The following MYBPC1 variants were observed in gnomAD, a reference collection of about 807,000 sequenced individuals.
The protein encoded by MYBPC1 is myosin-binding protein C, slow-type.
In MYBPC1, 52 loss-of-function variants were observed where a neutral mutation model predicts 147.1. That is an observed-to-expected ratio of 0.35 (90% CI 0.28 to 0.45). The LOEUF (loss-of-function observed/expected upper bound fraction) is 0.45. MYBPC1 is among the 20% of genes least tolerant of loss of function. MYBPC1 has a pLI of 1.00. For missense variants in MYBPC1, 1,228 were observed against 1,440.3 expected (o/e 0.85, Z 2.39); for synonymous variants, 477 against 475.9 (o/e 1.00, Z -0.03).
intron 21 of MYBPC1, 48 bp downstream of exon 21, chr12:101,662,594 G>A: frequency 6.3e-7 from 1 of 1,592,900 alleles, no homozygotes; most frequent in South Asian, 1.1e-5. Context: ...TTGCCCCAGA[G>A]TATGACTGCT....
chr12:101,623,848 A>G (rs914907064), intron 3 of MYBPC1, among the ~76,000 whole-genome samples: 1 of 152,204 alleles, frequency 6.6e-6, no homozygotes, highest in East Asian at 1.9e-4. Flanking sequence ...AACATGTAAA[A>G]TTTTAATTAT....
At chr12:101,625,015 T>TG (rs1226573861) in intron 3 of MYBPC1, among the ~76,000 whole-genome samples, 3 of 99,378 alleles carry the variant, frequency 3.0e-5, no homozygotes, top group Non-Finnish European at 5.6e-5. Context: ...AGTAAGGTAC[T>TG]AAATTGATAA....
the MYBPC1 span, among the ~76,000 whole-genome samples, chr12:101,694,442 C>G: frequency 6.6e-6 from 1 of 152,168 alleles, no homozygotes; most frequent in Non-Finnish European, 1.5e-5. Context: ...CCGTAATCCT[C>G]CACAATGTGA....
chr12:101,676,627 TGTA>T (rs1258949021), intron 26 of MYBPC1, among the ~76,000 whole-genome samples: 1 of 152,062 alleles, frequency 6.6e-6, no homozygotes. Flanking sequence ...AGCACGTGCC[TGTA>T]GTCCCAGTTA....
intron 3 of MYBPC1, among the ~76,000 whole-genome samples, chr12:101,624,663 T>G (rs969881663): frequency 7.0e-6 from 1 of 143,836 alleles, no homozygotes; most frequent in Admixed American, 7.0e-5. Flanking sequence ...GTGCAAATAA[T>G]ATACAAGCCC....
At chr12:101,661,331 G>C in intron 20 of MYBPC1, 69 bp downstream of exon 20, 1 of 987,604 alleles carries the variant, frequency 1.0e-6, no homozygotes, top group Non-Finnish European at 1.6e-6. Context: ...TCTTAGTACA[G>C]AGCACATTTT....
intron 3 of MYBPC1, among the ~76,000 whole-genome samples, chr12:101,619,684 G>C (rs1333117476): frequency 6.6e-6 from 1 of 152,160 alleles, no homozygotes; most frequent in African/African-American, 2.4e-5. Context: ...GATTTCCACT[G>C]TAAGACCAAC....
At chr12:101,693,237 C>A in the MYBPC1 span, among the ~76,000 whole-genome samples, 77,057 of 151,594 alleles carry the variant, frequency 0.51, 20,507 homozygotes, top group Admixed American at 0.59. Context: ...TGAGCCACCG[C>A]GCCCAGCCTA....
rs758590988 is a variant in MYBPC1 at position 101,670,361 on chromosome 12, C to A, written c.2565C>A (p.Thr855=). The part of the protein sequence containing the change: ...KIRIPRHLKQ[T]YIRRVGEAVN... Reference sequence around the variant, plus strand: ...GCATTCCAAGACACCTGAAGCAAACCTATATCCGCAGAGTTGGAGAAGCTG... The same window carrying A: ...GCATTCCAAGACACCTGAAGCAAACATATATCCGCAGAGTTGGAGAAGCTG... Residue 855 remains threonine (T), a synonymous_variant, in exon 24 of 32, where the codon ACC becomes ACA. Transcript: ENST00000361466. 3.1e-6 allele frequency: 5 copies of A among 1,614,110 alleles called. 1 individual carries two copies. The South Asian group carries it at 5.5e-5, about 18-fold the overall frequency.
At chr12:101,611,499 T>G (rs899424799) in intron 1 of MYBPC1, among the ~76,000 whole-genome samples, 19 of 152,238 alleles carry the variant, frequency 1.2e-4, no homozygotes, top group Non-Finnish European at 2.4e-4. Flanking sequence ...ATTGGTCACA[T>G]AGATGCTAAA....
chr12:101,625,161 C>T (rs558293338), intron 3 of MYBPC1, among the ~76,000 whole-genome samples: 2 of 150,400 alleles, frequency 1.3e-5, no homozygotes, highest in African/African-American at 2.5e-5. Context: ...AAGTCTTAAC[C>T]ACACTGTAAC....
chr12:101,608,333 T>C (rs779242440), intron 1 of MYBPC1, among the ~76,000 whole-genome samples: 3 of 152,254 alleles, frequency 2.0e-5, no homozygotes, highest in Non-Finnish European at 4.4e-5. Context: ...AAAAGTATCC[T>C]TGTTTTTCCT....
At chr12:101,630,385 T>G (rs1430516174) in intron 6 of MYBPC1, among the ~76,000 whole-genome samples, 1 of 152,212 alleles carries the variant, frequency 6.6e-6, no homozygotes, top group African/African-American at 2.4e-5. Flanking sequence ...TTGATTCTGC[T>G]TCCTGCTAGC....
chr12:101,653,552 T>A (rs1216866267), intron 18 of MYBPC1, among the ~76,000 whole-genome samples: 1 of 152,052 alleles, frequency 6.6e-6, no homozygotes, highest in Non-Finnish European at 1.5e-5. Context: ...AATTATTAAA[T>A]AAATAAATGA....
Position 101,683,852 on chromosome 12 carries a change from A to G in MYBPC1, c.3493-530A>G, listed in dbSNP as rs180894593. On this transcript the variant is annotated intron_variant, in intron 30 of 31. Coordinates refer to ENST00000361466, the MANE Select transcript of MYBPC1 (RefSeq NM_002465.4). ...ATTGTATATAGAATAGCTTTGTAAC[A>G]TAAGGTTTTGTGTCTATTTAGATCA... Among the ~76,000 whole-genome samples, 1,176 of 152,310 alleles carry G rather than the reference A, an allele frequency of 7.7e-3. 4 individuals carry two copies. Among genetic ancestry groups the G allele is most frequent in the Admixed American group, 0.012 (178 of 15,294 alleles).
chr12:101,604,991 G>A (rs543497854), intron 1 of MYBPC1, among the ~76,000 whole-genome samples: 1 of 152,172 alleles, frequency 6.6e-6, no homozygotes, highest in Non-Finnish European at 1.5e-5. Flanking sequence ...TGCTCCTCAG[G>A]CACCCTGCTT....
At chr12:101,622,580 CA>C (rs1887673756) in intron 3 of MYBPC1, among the ~76,000 whole-genome samples, 2 of 151,946 alleles carry the variant, frequency 1.3e-5, no homozygotes, top group Non-Finnish European at 2.9e-5. Flanking sequence ...AATAAAAATA[CA>C]AAAATTAGCC....
At chr12:101,675,148 G>A in intron 25 of MYBPC1, 144 bp from the exon 26 acceptor site, 1 of 1,084,086 alleles carries the variant, frequency 9.2e-7, no homozygotes, top group Non-Finnish European at 1.4e-6. Context: ...GAAGGCAAAG[G>A]GTCTCAGAAG....
chr12:101,680,374 C>G lies in MYBPC1; in HGVS notation c.3278C>G (p.Ala1093Gly), dbSNP rs781482729. The part of the protein sequence containing the change: ...PKITWMKNKV[A>G]IVDDPRYRMF... The stretch of plus-strand genomic sequence containing the variant: ...ATAACCTGGATGAAAAACAAAGTTG[C>G]TATTGTGGATGATCCAAGATACAGG... Residue 1093 changes from alanine to glycine, a missense_variant, in exon 29 of 32, where the codon GCT (alanine) becomes GGT (glycine). This residue lies in a region of MYBPC1 where 1,077 missense variants were observed against 1,314.2 expected (regional missense o/e 0.82). Transcript: ENST00000361466. 5 of 1,613,906 alleles carry G rather than the reference C, an allele frequency of 3.1e-6. No homozygotes were observed. The African/African-American group carries it at 5.3e-5, about 17-fold the overall frequency.
Sources: gnomAD v4.1 joint callset for allele counts (sites outside exome capture counted in the v4.1 genomes callset) on GRCh38, gnomAD v4.1.1 for gene constraint, gnomAD v4.1.1 regional missense constraint, MANE v1.5 for transcripts, NCBI Gene and HGNC (gene_info 2026-07-23, HGNC 2026-07-21) for gene names.